CLVS1: variants seen among roughly 807,000 people sequenced by gnomAD.
CLVS1 encodes clavesin 1.
A neutral mutation model predicts 33.1 loss-of-function variants in CLVS1; 10 were observed. The observed-to-expected ratio is 0.30, with a 90% CI of 0.19 to 0.51. The LOEUF (loss-of-function observed/expected upper bound fraction) is 0.51. CLVS1 is among the 20% of genes least tolerant of loss of function. The pLI, the probability that CLVS1 is intolerant of heterozygous loss-of-function variation, is 0.97. For missense variants in CLVS1, 343 were observed against 433.4 expected, an observed-to-expected ratio of 0.79 and a Z score of 1.85; for synonymous variants, 163 against 166.1, an observed-to-expected ratio of 0.98 and a Z score of 0.14.
chr8:61,236,117 G>C (rs549435673), intron 2 of CLVS1, among the ~76,000 whole-genome samples: 1 of 152,158 alleles, frequency 6.6e-6, no homozygotes, highest in Non-Finnish European at 1.5e-5. Context: ...AGATTCTGAG[G>C]CGAGCTTCCT....
At chr8:61,094,624 T>C (rs1015611432) in intron 1 of CLVS1, among the ~76,000 whole-genome samples, 1 of 151,956 alleles carries the variant, frequency 6.6e-6, no homozygotes, top group South Asian at 2.1e-4. Context: ...TTTAAGGAGG[T>C]AATCAAGGTA....
At chr8:61,296,376 T>G (rs1810212769) in intron 1 of CLVS1, among the ~76,000 whole-genome samples, 1 of 152,192 alleles carries the variant, frequency 6.6e-6, no homozygotes, top group African/African-American at 2.4e-5. Context: ...ACCTCAACTT[T>G]CCTTTTGAAC....
chr8:61,146,822 A>T (rs1347927432), intron 2 of CLVS1, among the ~76,000 whole-genome samples: 2 of 152,344 alleles, frequency 1.3e-5, no homozygotes, highest in South Asian at 4.1e-4. Flanking sequence ...ATCCATACAC[A>T]TGTAAATAAA....
chr8:61,254,337 G>A lies in CLVS1; in HGVS notation c.-151-45340G>A, dbSNP rs1384209327. On this transcript the variant is annotated intron_variant, in intron 2 of 2. Coordinates refer to the CLVS1 transcript ENST00000522621. ...AGGTGTCAGTCTGCCCCTACTGGGG[G>A]GTGCCTCCCAGTTAGGCTACTCAGG... 3.9e-5 allele frequency among the ~76,000 whole-genome samples: 6 copies of A among 152,198 alleles called. No individual in the cohort carries two copies. The East Asian group carries it at 9.6e-4, about 24-fold the overall frequency.
the CLVS1 span, among the ~76,000 whole-genome samples, chr8:61,003,985 G>C: frequency 6.6e-6 from 1 of 152,194 alleles, no homozygotes; most frequent in Admixed American, 6.5e-5. Flanking sequence ...CCTCATTTGA[G>C]GGGGTGGCAT....
chr8:61,019,722 C>T, the CLVS1 span, among the ~76,000 whole-genome samples: 2 of 152,086 alleles, frequency 1.3e-5, no homozygotes, highest in East Asian at 1.9e-4. Context: ...ACAATTTTCC[C>T]AAACATATCA....
chr8:61,255,136 C>T (rs1442551052), intron 2 of CLVS1, among the ~76,000 whole-genome samples: 1 of 152,070 alleles, frequency 6.6e-6, no homozygotes, highest in Non-Finnish European at 1.5e-5. Context: ...CCTTGTAAAA[C>T]TATAATTATA....
rs555889175 is a variant in CLVS1 at position 61,139,547 on chromosome 8, G to A, written c.-152+7687G>A. 2.2e-4 allele frequency among the ~76,000 whole-genome samples: 34 copies of A among 152,292 alleles called. No homozygotes were observed. The East Asian group carries it at 6.4e-3, about 29-fold the overall frequency. On this transcript the variant is annotated intron_variant, in intron 2 of 2. Transcript: ENST00000522621. ...GCAGCGGGAGGGGCGTCAGGGGACC[G>A]AGCGGAGGCCGGGGGCGGGGGCTAA...
intron 2 of CLVS1, among the ~76,000 whole-genome samples, chr8:61,245,347 T>C (rs1302755919): frequency 6.7e-6 from 1 of 149,752 alleles, no homozygotes; most frequent in Non-Finnish European, 1.5e-5. Context: ...CATGCCTGGG[T>C]AATTTTTTTT....
At chr8:61,102,452 A>G (rs1805467893) in intron 1 of CLVS1, among the ~76,000 whole-genome samples, 1 of 152,174 alleles carries the variant, frequency 6.6e-6, no homozygotes, top group African/African-American at 2.4e-5. Context: ...TTTATCTTGC[A>G]TCCTGCAACC....
At chr8:61,178,414 A>T (rs1807159260) in intron 2 of CLVS1, among the ~76,000 whole-genome samples, 1 of 152,214 alleles carries the variant, frequency 6.6e-6, no homozygotes, top group Non-Finnish European at 1.5e-5. Flanking sequence ...CCAAGCTGGA[A>T]AACACACTTC....
At chr8:61,252,695 C>T (rs537607928) in intron 2 of CLVS1, among the ~76,000 whole-genome samples, 91 of 152,272 alleles carry the variant, frequency 6.0e-4, no homozygotes, top group African/African-American at 2.2e-3. Flanking sequence ...CTCCTTTGAT[C>T]TTTGTTGATT....
chr8:61,015,006 A>G, the CLVS1 span, among the ~76,000 whole-genome samples: 3 of 152,246 alleles, frequency 2.0e-5, no homozygotes, highest in African/African-American at 7.2e-5. Context: ...CAATGGCCAC[A>G]ATGACCCAGA....
Position 61,299,926 on chromosome 8 carries a change from G to C in CLVS1, c.99G>C (p.Glu33Asp), listed in dbSNP as rs765680966. The change falls in exon 2 of 6, where the codon GAG (glutamate) becomes GAC (aspartate). Residue 33 changes from glutamate (E) to aspartate (D), a missense_variant. Physicochemically the swap from Glu to Asp is conservative, Grantham distance 45 (BLOSUM62 2). Around this residue, in one of 4 missense-constraint regions of CLVS1, gnomAD observed 88 missense variants for 77.3 expected, o/e 1.14. Transcript: ENST00000325897. ...MTHLQAGLSP[E>D]TIEKARLELN... Reference sequence around the variant, plus strand: ...ATTTACAGGCTGGACTCAGTCCAGAGACTATAGAGAAAGCTCGCCTGGAAC... The same window carrying C: ...ATTTACAGGCTGGACTCAGTCCAGACACTATAGAGAAAGCTCGCCTGGAAC... 4 of 1,614,018 alleles carry C rather than the reference G, an allele frequency of 2.5e-6. No homozygotes were observed. The highest frequency in any genetic ancestry group is 3.4e-6 in the Non-Finnish European group (4 of 1,179,958).
At chr8:61,417,341 A>G (rs910388047) in intron 3 of CLVS1, among the ~76,000 whole-genome samples, 4 of 152,228 alleles carry the variant, frequency 2.6e-5, no homozygotes, top group Admixed American at 2.6e-4. Flanking sequence ...ATCTGAATCT[A>G]TGCTATATTT....
At chr8:61,497,383 A>G (rs996723642) in intron 5 of CLVS1, among the ~76,000 whole-genome samples, 3 of 143,280 alleles carry the variant, frequency 2.1e-5, no homozygotes, top group Admixed American at 7.0e-5. Flanking sequence ...GTGTGACAAC[A>G]TCTGCAAAGT....
At chr8:61,100,831 T>C (rs1286034268) in intron 1 of CLVS1, among the ~76,000 whole-genome samples, 2 of 152,220 alleles carry the variant, frequency 1.3e-5, no homozygotes, top group Non-Finnish European at 2.9e-5. Flanking sequence ...GGATAGATGG[T>C]CCTTTTGACT....
At position 61,114,960 on chromosome 8, in the gene CLVS1, T is replaced by C. The variant is rs547052169; in HGVS notation, c.-242-16810T>C. On this transcript the variant is annotated intron_variant, in intron 1 of 2. Coordinates refer to the CLVS1 transcript ENST00000522621. ...GCTCTTGAAGCTCTGAGAAGTACCA[T>C]ACAATTTTCTGCGTTGTCATTTTCA... Among the ~76,000 whole-genome samples, 12 of 152,372 alleles carry C rather than the reference T, an allele frequency of 7.9e-5. No homozygotes were observed. The East Asian group carries it at 2.3e-3, about 29-fold the overall frequency.
At chr8:61,372,124 T>G (rs1273153381) in intron 2 of CLVS1, among the ~76,000 whole-genome samples, 1 of 152,186 alleles carries the variant, frequency 6.6e-6, no homozygotes, top group Admixed American at 6.5e-5. Flanking sequence ...GTTAGTTCAT[T>G]TTGATACAAG....
Sources: allele counts gnomAD v4.1 joint callset (sites outside exome capture counted in the v4.1 genomes callset), GRCh38; gene constraint gnomAD v4.1.1; regional missense constraint gnomAD v4.1.1; transcripts MANE v1.5; gene names NCBI Gene and HGNC (gene_info 2026-07-23, HGNC 2026-07-21).